Variants in ANKS1B observed in about 807,000 individuals in gnomAD.
The protein encoded by ANKS1B is ankyrin repeat and sterile alpha motif domain-containing protein 1B.
In ANKS1B, 36 loss-of-function variants were observed where a neutral mutation model predicts 148.3. The ratio of observed to expected loss-of-function variants is 0.24; its 90% CI spans 0.19 to 0.32. ANKS1B has a LOEUF of 0.32. ANKS1B is among the 10% of genes least tolerant of loss of function. The pLI, the probability that ANKS1B is intolerant of heterozygous loss-of-function variation, is 1.00. For synonymous variants in ANKS1B, 542 were observed against 560.8 expected (o/e 0.97, Z 0.47); for missense variants, 1,157 against 1,542.6 (o/e 0.75, Z 4.19).
intron 8 of ANKS1B, among the ~76,000 whole-genome samples, chr12:99,768,729 G>A (rs2153616206): frequency 6.6e-6 from 1 of 151,818 alleles, no homozygotes; most frequent in African/African-American, 2.4e-5. Context: ...AGGAGGCTGA[G>A]GCAGGGGAAT....
intron 15 of ANKS1B, among the ~76,000 whole-genome samples, chr12:99,141,655 C>T (rs557024718): frequency 2.6e-4 from 39 of 151,996 alleles, no homozygotes; most frequent in Non-Finnish European, 5.0e-4. Flanking sequence ...ATTCAGCTCC[C>T]ATTTATAAAT....
At chr12:99,218,256 T>C (rs2084543647) in intron 14 of ANKS1B, among the ~76,000 whole-genome samples, 1 of 152,234 alleles carries the variant, frequency 6.6e-6, no homozygotes, top group Non-Finnish European at 1.5e-5. Context: ...CTGACCTTGA[T>C]TGACATTTCT....
intron 15 of ANKS1B, among the ~76,000 whole-genome samples, chr12:99,134,329 A>G (rs574740347): frequency 8.5e-5 from 13 of 152,252 alleles, no homozygotes; most frequent in African/African-American, 3.1e-4. Flanking sequence ...ATTTCAATAA[A>G]TTTCCAGAAG....
At chr12:98,756,895 T>G (rs2098261615) in intron 25 of ANKS1B, among the ~76,000 whole-genome samples, 1 of 151,702 alleles carries the variant, frequency 6.6e-6, no homozygotes, top group Non-Finnish European at 1.5e-5. Flanking sequence ...GCCTGGCTAC[T>G]TTTTTGTATT....
chr12:99,664,314 C>T (rs1168200501), intron 8 of ANKS1B, among the ~76,000 whole-genome samples: 1 of 151,744 alleles, frequency 6.6e-6, no homozygotes, highest in Non-Finnish European at 1.5e-5. Context: ...TATTTATATA[C>T]CTAACATGAA....
intron 11 of ANKS1B, among the ~76,000 whole-genome samples, chr12:99,431,148 T>C (rs2095363193): frequency 6.6e-6 from 1 of 152,242 alleles, no homozygotes; most frequent in Non-Finnish European, 1.5e-5. Flanking sequence ...TAATTATTTG[T>C]TTTTCCATTT....
intron 16 of ANKS1B, among the ~76,000 whole-genome samples, chr12:99,071,335 C>T (rs1599415083): frequency 2.6e-5 from 4 of 152,258 alleles, no homozygotes; most frequent in Admixed American, 2.6e-4. Context: ...AGAAATATAG[C>T]CAAATTCTAT....
intron 14 of ANKS1B, among the ~76,000 whole-genome samples, chr12:99,241,433 GA>G (rs986914568): frequency 1.3e-5 from 2 of 152,118 alleles, no homozygotes; most frequent in Non-Finnish European, 2.9e-5. Flanking sequence ...AAAAGTCCAG[GA>G]CAAGACAAAT....
intron 25 of ANKS1B, among the ~76,000 whole-genome samples, chr12:98,765,884 C>A (rs925727193): frequency 6.6e-6 from 1 of 152,188 alleles, no homozygotes; most frequent in African/African-American, 2.4e-5. Flanking sequence ...CATGAGCCAT[C>A]GTGCCTGGCC....
chr12:98,823,725 C>T (rs1464614489), intron 19 of ANKS1B, among the ~76,000 whole-genome samples: 1 of 152,270 alleles, frequency 6.6e-6, no homozygotes, highest in African/African-American at 2.4e-5. Flanking sequence ...CTCCTGGCCT[C>T]AAGTGCTCCG....
At chr12:99,409,182 A>T (rs1467496611) in intron 11 of ANKS1B, among the ~76,000 whole-genome samples, 1 of 152,240 alleles carries the variant, frequency 6.6e-6, no homozygotes, top group African/African-American at 2.4e-5. Flanking sequence ...AAAGAATGAG[A>T]TCCTGTCATT....
rs114873644 is a variant in ANKS1B at position 99,028,179 on chromosome 12, C to T, written c.2778+24978G>A. ...GGAAAGCAATCAGAAGAATGATTTGCACACAACAAAATGTATATGAACATT... is the reference window on the plus strand; with the variant it reads ...GGAAAGCAATCAGAAGAATGATTTGTACACAACAAAATGTATATGAACATT... On this transcript the variant is annotated intron_variant, in intron 17 of 26. Transcript: ENST00000683438. Among the ~76,000 whole-genome samples, 442 of 152,290 alleles carry T rather than the reference C, an allele frequency of 2.9e-3. 3 individuals carry two copies. Among genetic ancestry groups the T allele is most frequent in the Middle Eastern group, 0.01 (3 of 294 alleles).
chr12:98,752,255 AT>A (rs201377343), intron 25 of ANKS1B, among the ~76,000 whole-genome samples: 3 of 113,582 alleles, frequency 2.6e-5, no homozygotes, highest in East Asian at 4.5e-4. Flanking sequence ...TCACGGGTGC[AT>A]TTTTTTTCTT....
chr12:99,666,855 G>C (rs1244521117), intron 8 of ANKS1B, among the ~76,000 whole-genome samples: 1 of 111,792 alleles, frequency 8.9e-6, no homozygotes, highest in Admixed American at 8.8e-5. Flanking sequence ...TAGTTACTAT[G>C]GGGTGTGTGT....
chr12:99,438,957 T>C (rs568931330), intron 11 of ANKS1B, among the ~76,000 whole-genome samples: 90 of 151,970 alleles, frequency 5.9e-4, no homozygotes, highest in African/African-American at 1.7e-3. Context: ...AAGAATCCTA[T>C]GGAAGTTATT....
chr12:99,035,531 A>G (rs987200180), intron 17 of ANKS1B, among the ~76,000 whole-genome samples: 3 of 152,190 alleles, frequency 2.0e-5, no homozygotes, highest in African/African-American at 2.4e-5. Context: ...CAATCTCCCC[A>G]GTATTTTTGG....
At chr12:99,841,799 C>T (rs1218291067) in intron 1 of ANKS1B, among the ~76,000 whole-genome samples, 3 of 151,858 alleles carry the variant, frequency 2.0e-5, no homozygotes, top group South Asian at 4.2e-4. Flanking sequence ...ATTTTTAAAT[C>T]GGTTGTTATT....
chr12:99,831,250 C>T (rs1474262682), intron 1 of ANKS1B, among the ~76,000 whole-genome samples: 1 of 147,384 alleles, frequency 6.8e-6, no homozygotes, highest in Non-Finnish European at 1.5e-5. Context: ...AAAAACCAAA[C>T]CCATACCATT....
chr12:99,668,899 T>C (rs2098522984), intron 8 of ANKS1B, among the ~76,000 whole-genome samples: 1 of 152,158 alleles, frequency 6.6e-6, no homozygotes, highest in South Asian at 2.1e-4. Context: ...CAATCGTTCC[T>C]TCTGCAATGA....
Sources: allele counts gnomAD v4.1 joint callset (sites outside exome capture counted in the v4.1 genomes callset), GRCh38; gene constraint gnomAD v4.1.1; transcripts MANE v1.5; gene names NCBI Gene and HGNC (gene_info 2026-07-23, HGNC 2026-07-21).